LRBA: variants seen among roughly 807,000 people sequenced by gnomAD.
LRBA encodes lipopolysaccharide-responsive and beige-like anchor protein.
LRBA carries 176 observed loss-of-function variants against 330.0 expected under a neutral mutation model. The ratio of observed to expected loss-of-function variants is 0.53; its 90% CI spans 0.47 to 0.60. LRBA has a LOEUF of 0.60. Among genes scored for constraint, LRBA ranks in the 20% least tolerant of loss-of-function variants. The probability of loss-of-function intolerance (pLI) is 0.00; values close to 1 mark genes in which losing one functional copy is unlikely to be tolerated. For missense variants in LRBA, 3,259 were observed against 3,444.8 expected, an observed-to-expected ratio of 0.95 and a Z score of 1.35; for synonymous variants, 1,230 against 1,193.0, an observed-to-expected ratio of 1.03 and a Z score of -0.64.
chr4:150,487,423 T>C (rs907397370), intron 42 of LRBA, among the ~76,000 whole-genome samples: 45 of 151,546 alleles, frequency 3.0e-4, no homozygotes, highest in Admixed American at 1.2e-3. Flanking sequence ...CAATCTTTTA[T>C]TTAATGATTA....
intron 42 of LRBA, among the ~76,000 whole-genome samples, chr4:150,476,325 C>T (rs1223919993): frequency 1.3e-5 from 2 of 152,254 alleles, no homozygotes; most frequent in African/African-American, 4.8e-5. Context: ...AATTAGTATG[C>T]TTCTCAGTCC....
At chr4:150,316,756 A>C (rs1189809108) in intron 50 of LRBA, among the ~76,000 whole-genome samples, 1 of 152,180 alleles carries the variant, frequency 6.6e-6, no homozygotes, top group Non-Finnish European at 1.5e-5. Flanking sequence ...CTCAAGGACA[A>C]GTCAGAAAAT....
At chr4:150,804,685 A>G (rs1014265314) in intron 33 of LRBA, among the ~76,000 whole-genome samples, 4 of 152,222 alleles carry the variant, frequency 2.6e-5, no homozygotes, top group African/African-American at 9.6e-5. Context: ...GAATACAAGT[A>G]TATTATCCTA....
At chr4:150,705,777 A>T in intron 36 of LRBA, among the ~76,000 whole-genome samples, 1 of 152,048 alleles carries the variant, frequency 6.6e-6, no homozygotes, top group East Asian at 1.9e-4. Context: ...AAAAAGTACT[A>T]AATAAATATT....
At chr4:150,624,850 T>C (rs547294118) in intron 37 of LRBA, among the ~76,000 whole-genome samples, 83 of 152,284 alleles carry the variant, frequency 5.5e-4, no homozygotes, top group African/African-American at 1.9e-3. Context: ...ATTAAGGTTT[T>C]TAAAATGTCA....
intron 42 of LRBA, among the ~76,000 whole-genome samples, chr4:150,486,341 C>A (rs893843575): frequency 6.6e-6 from 1 of 151,490 alleles, no homozygotes; most frequent in South Asian, 2.1e-4. Context: ...TTTTTTCTTC[C>A]TTTAAATTAT....
intron 2 of LRBA, among the ~76,000 whole-genome samples, chr4:150,980,425 T>A (rs894699970): frequency 2.0e-5 from 3 of 152,168 alleles, no homozygotes; most frequent in Non-Finnish European, 4.4e-5. Context: ...ACAACAAAGA[T>A]GCCCACTATC....
intron 40 of LRBA, among the ~76,000 whole-genome samples, chr4:150,552,005 C>G (rs924315983): frequency 6.6e-6 from 1 of 152,092 alleles, no homozygotes; most frequent in African/African-American, 2.4e-5. Context: ...CGACTCAGAT[C>G]GTCTGACATT....
chr4:150,802,345 C>T (rs551136536), intron 33 of LRBA, among the ~76,000 whole-genome samples: 329 of 148,728 alleles, frequency 2.2e-3, no homozygotes, highest in Non-Finnish European at 3.2e-3. Context: ...TTCTAGCATT[C>T]GTGGGTTTTT....
intron 40 of LRBA, among the ~76,000 whole-genome samples, chr4:150,550,717 C>T (rs1322277865): frequency 6.6e-6 from 1 of 152,170 alleles, no homozygotes; most frequent in East Asian, 1.9e-4. Context: ...AATTATCTTG[C>T]ATTTGTGTGC....
At chr4:150,433,864 T>G (rs879714932) in intron 46 of LRBA, among the ~76,000 whole-genome samples, 1 of 152,152 alleles carries the variant, frequency 6.6e-6, no homozygotes, top group Non-Finnish European at 1.5e-5. Context: ...TATCAGAGTA[T>G]ATTATTTGTG....
At chr4:150,559,755 A>T (rs192562804) in intron 40 of LRBA, among the ~76,000 whole-genome samples, 96 of 88,364 alleles carry the variant, frequency 1.1e-3, no homozygotes, top group African/African-American at 4.4e-3. Context: ...AATATATATA[A>T]CATTATAGAT....
chr4:150,654,940 T>A (rs1232421661), intron 37 of LRBA, among the ~76,000 whole-genome samples: 4 of 152,164 alleles, frequency 2.6e-5, no homozygotes, highest in Non-Finnish European at 5.9e-5. Context: ...ATCCAGTCTA[T>A]CATTGTTGGA....
At chr4:150,619,693 C>T (rs1412985915) in intron 37 of LRBA, among the ~76,000 whole-genome samples, 2 of 152,040 alleles carry the variant, frequency 1.3e-5, no homozygotes, top group Non-Finnish European at 1.5e-5. Context: ...CATTAGGCTC[C>T]ACAACTGAGG....
intron 54 of LRBA, among the ~76,000 whole-genome samples, chr4:150,285,120 CT>C (rs1362392091): frequency 1.3e-5 from 2 of 152,004 alleles, no homozygotes; most frequent in African/African-American, 4.8e-5. Flanking sequence ...TTTAAAACAC[CT>C]TATTAACTAG....
intron 2 of LRBA, among the ~76,000 whole-genome samples, chr4:150,980,026 C>G (rs1740664733): frequency 1.3e-5 from 2 of 152,134 alleles, no homozygotes; most frequent in South Asian, 4.1e-4. Context: ...AAAAGGAAAA[C>G]TGTACACCAC....
At chr4:150,323,946 T>C (rs1197890865) in intron 49 of LRBA, among the ~76,000 whole-genome samples, 2 of 152,204 alleles carry the variant, frequency 1.3e-5, no homozygotes. Context: ...AGATTAAGTA[T>C]ACATTTGTTG....
At chr4:150,893,477 G>A (rs944745108) in intron 16 of LRBA, among the ~76,000 whole-genome samples, 6 of 151,978 alleles carry the variant, frequency 3.9e-5, no homozygotes, top group African/African-American at 1.5e-4. Flanking sequence ...AGCCTCCCTA[G>A]TAGCTGGGAC....
intron 47 of LRBA, among the ~76,000 whole-genome samples, chr4:150,382,188 A>T (rs1488262297): frequency 1.3e-5 from 2 of 152,194 alleles, no homozygotes; most frequent in Non-Finnish European, 2.9e-5. Flanking sequence ...CCATTGCCTA[A>T]TCAGTGTGAT....
Sources: allele counts gnomAD v4.1 joint callset (sites outside exome capture counted in the v4.1 genomes callset), GRCh38; gene constraint gnomAD v4.1.1; transcripts MANE v1.5; gene names NCBI Gene and HGNC (gene_info 2026-07-23, HGNC 2026-07-21).